LITAF: variants seen among roughly 807,000 people sequenced by gnomAD.
LITAF encodes the protein lipopolysaccharide induced TNF factor, also known as lipopolysaccharide-induced tumor necrosis factor-alpha factor.
LITAF carries 9 observed loss-of-function variants against 14.5 expected under a neutral mutation model. The ratio of observed to expected loss-of-function variants is 0.62; its 90% confidence interval spans 0.37 to 1.08. LITAF has a LOEUF of 1.08. Ranked by LOEUF, LITAF falls within the 50% of genes least tolerant of loss-of-function variation. The pLI is 0.01. For synonymous variants in LITAF, 98 were observed against 88.2 expected, an observed-to-expected ratio of 1.11 and a Z score of -0.62; for missense variants, 206 against 213.4, an observed-to-expected ratio of 0.97 and a Z score of 0.22.
At chr16:11,599,379 A>G (rs2064913893), upstream of LITAF, among the ~76,000 whole-genome samples, 1 of 152,126 alleles carries the variant, frequency 6.6e-6, no homozygotes, top group South Asian at 2.1e-4. Flanking sequence ...CGGACTGCCA[A>G]AGTGCTAGGA....
At chr16:11,612,463 C>T (rs940109504) in intron 3 of LITAF, among the ~76,000 whole-genome samples, 4 of 152,242 alleles carry the variant, frequency 2.6e-5, no homozygotes, top group African/African-American at 9.6e-5. Context: ...CCTTATTGGG[C>T]AACTCCCAGC....
Position 11,565,416 on chromosome 16 carries a change from G to A in LITAF, c.-5-8681C>T, listed in dbSNP as rs573207538. ...CTCACTTTTAAATGGTTATCTTTAT[G>A]TGACTTTCTCTTCACTAAAAAGCGG... On this transcript the variant is annotated intron_variant, in intron 1 of 3. Transcript: ENST00000622633. Among the ~76,000 whole-genome samples, 3 of 119,322 alleles carry A rather than the reference G, an allele frequency of 2.5e-5. No individual in the cohort carries two copies. In the East Asian group the frequency reaches 8.6e-4, roughly 34 times the overall value. The allele number at this position is 119,322 out of a possible 152,430, so 78.3% of individuals were successfully genotyped here. A position where few individuals can be genotyped will look rare whatever the true frequency, so the allele number is the denominator to read the frequency against.
intron 3 of LITAF, among the ~76,000 whole-genome samples, chr16:11,628,682 TC>T (rs1036342152): frequency 8.0e-6 from 1 of 124,880 alleles, no homozygotes; most frequent in African/African-American, 2.5e-5. Flanking sequence ...TTTTTTCTTT[TC>T]TTTTTTTTTT....
chr16:11,629,918 C>A (rs1011063689), intron 3 of LITAF, among the ~76,000 whole-genome samples: 2 of 152,186 alleles, frequency 1.3e-5, no homozygotes, highest in African/African-American at 2.4e-5. Context: ...CTGCAAACAT[C>A]TCCAAGTGTC....
chr16:11,629,502 T>A (rs1452782221), intron 3 of LITAF, among the ~76,000 whole-genome samples: 2 of 150,416 alleles, frequency 1.3e-5, no homozygotes, highest in African/African-American at 4.9e-5. Flanking sequence ...GCTGAGGACC[T>A]GTCCTCGGCC....
At chr16:11,593,208 T>C (rs1320074155) in intron 1 of LITAF, among the ~76,000 whole-genome samples, 1 of 151,284 alleles carries the variant, frequency 6.6e-6, no homozygotes, top group East Asian at 1.9e-4. Flanking sequence ...ATACAAAAAT[T>C]AGCCGGGCAT....
chr16:11,604,554 C>T (rs561643716), intron 3 of LITAF, among the ~76,000 whole-genome samples: 78 of 148,652 alleles, frequency 5.2e-4, no homozygotes, highest in Admixed American at 9.4e-4. Context: ...CGCTTGTAAT[C>T]CCAGCACTTT....
upstream of LITAF, among the ~76,000 whole-genome samples, chr16:11,637,193 C>A (rs1479485540): frequency 1.3e-5 from 2 of 152,148 alleles, no homozygotes; most frequent in South Asian, 4.1e-4. Context: ...GCCTGGTCTG[C>A]CTAAATAATT....
At chr16:11,628,830 C>A (rs573470627) in intron 3 of LITAF, among the ~76,000 whole-genome samples, 1 of 152,342 alleles carries the variant, frequency 6.6e-6, no homozygotes, top group Non-Finnish European at 1.5e-5. Context: ...GCGCACACCA[C>A]CATGCCCAGC....
chr16:11,617,934 G>A (rs918857887), intron 3 of LITAF, among the ~76,000 whole-genome samples: 2 of 151,628 alleles, frequency 1.3e-5, no homozygotes, highest in African/African-American at 2.4e-5. Context: ...GTAGCAGCTC[G>A]AACATAGCTC....
chr16:11,580,859 G>A (rs1268845221), intron 1 of LITAF, among the ~76,000 whole-genome samples: 1 of 151,992 alleles, frequency 6.6e-6, no homozygotes, highest in African/African-American at 2.4e-5. Flanking sequence ...CGACCTCCCA[G>A]GCTCAAGCGA....
intron 1 of LITAF, among the ~76,000 whole-genome samples, chr16:11,598,159 A>T (rs534593439): frequency 1.1e-4 from 16 of 152,030 alleles, no homozygotes; most frequent in Non-Finnish European, 2.4e-4. Flanking sequence ...CAGCCTCCCA[A>T]GGTGCTGGAA....
upstream of LITAF, among the ~76,000 whole-genome samples, chr16:11,638,064 ATC>A (rs1414228900): frequency 1.6e-3 from 215 of 131,012 alleles, 14 homozygotes; most frequent in Middle Eastern, 7.5e-3. Flanking sequence ...CTATATATAT[ATC>A]TATATATATA....
upstream of LITAF, among the ~76,000 whole-genome samples, chr16:11,598,671 C>T (rs999942012): frequency 2.6e-5 from 4 of 152,040 alleles, no homozygotes; most frequent in Admixed American, 1.3e-4. Context: ...TGAAAGTTCC[C>T]TCTGGTCTCT....
chr16:11,587,725 G>C (rs1007568541), upstream of LITAF, among the ~76,000 whole-genome samples: 7 of 152,098 alleles, frequency 4.6e-5, no homozygotes, highest in African/African-American at 7.2e-5. Flanking sequence ...CCATCTGCCC[G>C]TCTGCTTGGA....
intron 1 of LITAF, among the ~76,000 whole-genome samples, chr16:11,571,850 C>T (rs935601424): frequency 6.6e-6 from 1 of 152,128 alleles, no homozygotes; most frequent in Non-Finnish European, 1.5e-5. Context: ...GTAGTCCCAG[C>T]ACTTTGGGAG....
chr16:11,572,624 A>G (rs554004031), intron 1 of LITAF, among the ~76,000 whole-genome samples: 1 of 152,342 alleles, frequency 6.6e-6, no homozygotes, highest in Non-Finnish European at 1.5e-5. Flanking sequence ...AACCGGCCAC[A>G]GGGCATCAGG....
upstream of LITAF, among the ~76,000 whole-genome samples, chr16:11,637,995 T>A (rs865817572): frequency 2.2e-5 from 1 of 45,864 alleles, no homozygotes; most frequent in African/African-American, 1.5e-4. Flanking sequence ...TATATATATC[T>A]ATATATATCT....
intron 1 of LITAF, among the ~76,000 whole-genome samples, chr16:11,567,992 A>G (rs1174280318): frequency 6.6e-6 from 1 of 151,678 alleles, no homozygotes; most frequent in Non-Finnish European, 1.5e-5. Flanking sequence ...TCAAAAAATA[A>G]AGACGGTAGT....
Sources: gnomAD v4.1 joint callset for allele counts (sites outside exome capture counted in the v4.1 genomes callset) on GRCh38, gnomAD v4.1.1 for gene constraint, MANE v1.5 for transcripts, NCBI Gene and HGNC (gene_info 2026-07-23, HGNC 2026-07-21) for gene names.